The following KCNJ15 variants were observed in gnomAD, a reference collection of about 807,000 sequenced individuals.
KCNJ15 encodes ATP-sensitive inward rectifier potassium channel 15.
KCNJ15 carries 14 observed loss-of-function variants against 23.0 expected under a neutral mutation model. The ratio of observed to expected loss-of-function variants is 0.61; its 90% CI spans 0.40 to 0.95. The LOEUF (loss-of-function observed/expected upper bound fraction) is 0.95, where lower values mean the gene tolerates loss of function less well. Ranked by LOEUF, KCNJ15 falls within the 40% of genes least tolerant of loss-of-function variation. KCNJ15 has a pLI of 0.00. For synonymous variants in KCNJ15, 185 were observed against 183.2 expected (o/e 1.01, Z -0.08); for missense variants, 388 against 461.8 (o/e 0.84, Z 1.46).
At chr21:38,259,022 T>TGC (rs1266703788) in intron 1 of KCNJ15, among the ~76,000 whole-genome samples, 8 of 152,000 alleles carry the variant, frequency 5.3e-5, no homozygotes, top group South Asian at 2.1e-4. Flanking sequence ...TGTGTGTGTG[T>TGC]GCGCGTGTGT....
rs145800740 is a variant in KCNJ15 at position 38,299,345 on chromosome 21, C to T, written c.84C>T (p.Arg28=). 1.5e-4 allele frequency: 240 copies of T among 1,614,148 alleles called. No homozygotes were observed. Among genetic ancestry groups the T allele is most frequent in the Non-Finnish European group, 2.0e-4 (231 of 1,180,012 alleles). ...CTGGGCTCAAGGCCAACAGACCCCG[C>T]GTCATGTCCAAGAGTGGGCACAGCA... ...AGAGLKANRP[R]VMSKSGHSNV... The change falls in exon 3 of 3, where the codon CGC becomes CGT. Residue 28 remains arginine (R), a synonymous_variant. Coordinates refer to ENST00000398938, the MANE Select transcript of KCNJ15 (RefSeq NM_170736.3). This position sits in a 1 kb window ranked among gnomAD's most constrained non-coding sequence, Gnocchi z 4.5.
At chr21:38,249,209 C>A (rs998110297) in intron 1 of KCNJ15, among the ~76,000 whole-genome samples, 1 of 152,142 alleles carries the variant, frequency 6.6e-6, no homozygotes, top group African/African-American at 2.4e-5. Flanking sequence ...TAAGACATAC[C>A]ACTGAGCAAT....
chr21:38,232,485 T>G (rs1978339343), intron 1 of KCNJ15, among the ~76,000 whole-genome samples: 1 of 151,850 alleles, frequency 6.6e-6, no homozygotes, highest in African/African-American at 2.4e-5. Context: ...TTCTTATGCT[T>G]ACTTTAGGTT....
chr21:38,276,983 G>C (rs544599321), intron 1 of KCNJ15, among the ~76,000 whole-genome samples: 22 of 151,390 alleles, frequency 1.5e-4, no homozygotes, highest in African/African-American at 5.1e-4. Context: ...CCACCTTCTG[G>C]TAATTGACAA....
chr21:38,296,420 C>T (rs191410127), intron 1 of KCNJ15: 4 of 152,266 alleles, frequency 2.6e-5, no homozygotes, highest in Admixed American at 2.6e-4. Flanking sequence ...TGACAGGAAC[C>T]CTGGGCTAGC....
chr21:38,263,560 A>G (rs1981145564), intron 1 of KCNJ15, among the ~76,000 whole-genome samples: 2 of 152,326 alleles, frequency 1.3e-5, no homozygotes, highest in South Asian at 4.1e-4. Context: ...TTGTACATCC[A>G]TTTTGGACCG....
chr21:38,297,686 A>G (rs551725755), intron 2 of KCNJ15, among the ~76,000 whole-genome samples: 41 of 152,340 alleles, frequency 2.7e-4, no homozygotes, highest in African/African-American at 9.4e-4. Flanking sequence ...TAGTTCATCA[A>G]TTATATCCTG....
chr21:38,271,211 T>G (rs1364122729), intron 1 of KCNJ15, among the ~76,000 whole-genome samples: 1 of 152,230 alleles, frequency 6.6e-6, no homozygotes, highest in Non-Finnish European at 1.5e-5. Context: ...TAAATTTCCC[T>G]TCATAGAAAG....
At position 38,299,765 on chromosome 21, in the gene KCNJ15, C is replaced by T. The variant is rs140458855; in HGVS notation, c.504C>T (p.Ile168=). 15 of 1,613,926 alleles carry T rather than the reference C, an allele frequency of 9.3e-6. No homozygotes were observed. The highest frequency in any genetic ancestry group is 5.5e-5 in the South Asian group (5 of 91,072). Residue 168 remains isoleucine (I), a synonymous_variant, in exon 3 of 3, where the codon ATC becomes ATT. Transcript: ENST00000398938. This position sits in a 1 kb window ranked among gnomAD's most constrained non-coding sequence, Gnocchi z 4.5. ...IFITGTFLAK[I]ARPKKRAETI... is the part of the protein sequence containing the mutation. The stretch of plus-strand genomic sequence containing the variant: ...TCACCGGAACCTTCCTGGCCAAAAT[C>T]GCCAGACCCAAAAAGCGGGCTGAGA...
At chr21:38,234,963 C>T (rs1307214564) in intron 1 of KCNJ15, among the ~76,000 whole-genome samples, 5 of 152,146 alleles carry the variant, frequency 3.3e-5, no homozygotes, top group African/African-American at 1.2e-4. Flanking sequence ...GGGTGTGTTG[C>T]TAGATCACTT....
chr21:38,282,893 C>T (rs557144181), intron 1 of KCNJ15, among the ~76,000 whole-genome samples: 8 of 152,218 alleles, frequency 5.3e-5, no homozygotes, highest in African/African-American at 1.4e-4. Flanking sequence ...ACAAGGTGAA[C>T]GCTACCTGCA....
At chr21:38,268,866 A>C (rs1245617288) in intron 1 of KCNJ15, 1 of 152,218 alleles carries the variant, frequency 6.6e-6, no homozygotes, top group African/African-American at 2.4e-5. Context: ...CCACCCTCCC[A>C]CTGTTCCCCA....
intron 1 of KCNJ15, among the ~76,000 whole-genome samples, chr21:38,284,126 G>A (rs974121272): frequency 2.6e-5 from 4 of 152,148 alleles, no homozygotes; most frequent in African/African-American, 9.7e-5. Context: ...GTGTCTCCAG[G>A]CAGCCTCCAG....
intron 1 of KCNJ15, among the ~76,000 whole-genome samples, chr21:38,248,334 G>GT (rs1221633772): frequency 6.6e-6 from 1 of 152,226 alleles, no homozygotes; most frequent in African/African-American, 2.4e-5. Context: ...AAGTTAGAAA[G>GT]TTAACTAAGT....
At chr21:38,278,070 T>C (rs1982921276) in intron 1 of KCNJ15, among the ~76,000 whole-genome samples, 1 of 152,236 alleles carries the variant, frequency 6.6e-6, no homozygotes, top group Admixed American at 6.5e-5. Flanking sequence ...CTGTAGGGTA[T>C]TGAGACACAA....
chr21:38,285,191 T>C (rs1983759420), intron 1 of KCNJ15, among the ~76,000 whole-genome samples: 1 of 152,260 alleles, frequency 6.6e-6, no homozygotes, highest in South Asian at 2.1e-4. Flanking sequence ...GAAAACTTTA[T>C]ATGAACCCTC....
intron 1 of KCNJ15, among the ~76,000 whole-genome samples, chr21:38,282,714 T>C (rs1281617649): frequency 6.6e-6 from 1 of 152,278 alleles, no homozygotes; most frequent in East Asian, 1.9e-4. Context: ...GCCCACCGTG[T>C]GCCTCCCTTA....
chr21:38,295,678 A>C (rs1260562345), intron 1 of KCNJ15, among the ~76,000 whole-genome samples: 1 of 152,198 alleles, frequency 6.6e-6, no homozygotes, highest in Non-Finnish European at 1.5e-5. Flanking sequence ...AGCCAGGTCT[A>C]TTGAAGAATC....
At chr21:38,286,597 A>G (rs1030690783) in intron 1 of KCNJ15, among the ~76,000 whole-genome samples, 1 of 152,226 alleles carries the variant, frequency 6.6e-6, no homozygotes, top group Admixed American at 6.5e-5. Context: ...TGGCTGTTAA[A>G]CATGTCAAGA....
Sources: gnomAD v4.1 joint callset for allele counts (sites outside exome capture counted in the v4.1 genomes callset) on GRCh38, gnomAD v4.1.1 for gene constraint, Gnocchi (gnomAD v3.1) non-coding constraint, MANE v1.5 for transcripts, NCBI Gene and HGNC (gene_info 2026-07-23, HGNC 2026-07-21) for gene names.